Variants in KLF8 observed in about 807,000 individuals in gnomAD.
The protein encoded by KLF8 is Krueppel-like factor 8.
KLF8 carries 10 observed loss-of-function variants against 18.2 expected under a neutral mutation model. The ratio of observed to expected loss-of-function variants is 0.55; its 90% CI spans 0.34 to 0.93. The LOEUF (loss-of-function observed/expected upper bound fraction) is 0.93, where lower values mean the gene tolerates loss of function less well. KLF8 is among the 40% of genes least tolerant of loss of function. The probability of loss-of-function intolerance (pLI) is 0.02; values close to 1 mark genes in which losing one functional copy is unlikely to be tolerated. For missense variants in KLF8, 264 were observed against 277.9 expected (o/e 0.95, Z 0.36); for synonymous variants, 109 against 97.3 (o/e 1.12, Z -0.71).
the KLF8 span, among the ~76,000 whole-genome samples, chrX:56,166,993 G>A: frequency 8.9e-6 from 1 of 111,896 alleles, no homozygotes; most frequent in Admixed American, 9.5e-5. Context: ...CATGATGTGT[G>A]CAAAAGCCAT....
the KLF8 span, among the ~76,000 whole-genome samples, chrX:56,036,314 C>T: frequency 9.0e-6 from 1 of 111,384 alleles, no homozygotes; most frequent in South Asian, 3.7e-4. Flanking sequence ...AGTTTTGTTT[C>T]TTACATTAAG....
the KLF8 span, among the ~76,000 whole-genome samples, chrX:56,220,325 A>G: frequency 9.0e-6 from 1 of 111,636 alleles, no homozygotes; most frequent in Non-Finnish European, 1.9e-5. Context: ...ATTGGGTTCC[A>G]CCCCTGACCT....
chrX:56,088,657 C>T, the KLF8 span, among the ~76,000 whole-genome samples: 5 of 111,659 alleles, frequency 4.5e-5, no homozygotes, highest in African/African-American at 6.5e-5. Flanking sequence ...TTTCATTATC[C>T]TTTAATCACT....
chrX:56,015,565 G>T, the KLF8 span, among the ~76,000 whole-genome samples: 1 of 112,148 alleles, frequency 8.9e-6, no homozygotes, highest in Non-Finnish European at 1.9e-5. Context: ...ATAGGAAAAT[G>T]ACATAATCTC....
chrX:56,100,347 C>T, the KLF8 span, among the ~76,000 whole-genome samples: 1 of 111,704 alleles, frequency 9.0e-6, no homozygotes, highest in Admixed American at 9.5e-5. Flanking sequence ...CACCTGGTCA[C>T]CCAAGCTCTG....
chrX:56,045,372 C>T, the KLF8 span, among the ~76,000 whole-genome samples: 2 of 111,126 alleles, frequency 1.8e-5, no homozygotes, highest in South Asian at 7.5e-4. Flanking sequence ...CTTGCTTTGC[C>T]TATGAAAACT....
chrX:56,028,351 T>A, the KLF8 span, among the ~76,000 whole-genome samples: 2 of 111,740 alleles, frequency 1.8e-5, no homozygotes, highest in Non-Finnish European at 3.8e-5. Context: ...TCCTAGAAAT[T>A]CCCTTACTTG....
At chrX:56,188,721 C>G in the KLF8 span, among the ~76,000 whole-genome samples, 1 of 111,725 alleles carries the variant, frequency 9.0e-6, no homozygotes, top group African/African-American at 3.3e-5. Context: ...TGCCACATAT[C>G]TACAACTATC....
chrX:56,147,851 A>T, the KLF8 span, among the ~76,000 whole-genome samples: 1 of 111,924 alleles, frequency 8.9e-6, no homozygotes, highest in Non-Finnish European at 1.9e-5. Context: ...GGTGGTGCAC[A>T]TCTGTAATCC....
intron 1 of KLF8, among the ~76,000 whole-genome samples, chrX:56,239,015 A>C (rs1454934342): frequency 9.0e-6 from 1 of 111,218 alleles, no homozygotes; most frequent in Non-Finnish European, 1.9e-5. Context: ...TTTCTTCTTG[A>C]CTGTCGTAGT....
the KLF8 span, among the ~76,000 whole-genome samples, chrX:56,053,353 G>A: frequency 9.0e-6 from 1 of 111,453 alleles, no homozygotes; most frequent in Non-Finnish European, 1.9e-5. Flanking sequence ...TTAATTCTAT[G>A]AATAAAATGT....
chrX:56,107,329 G>A, the KLF8 span, among the ~76,000 whole-genome samples: 3 of 112,244 alleles, frequency 2.7e-5, no homozygotes, highest in South Asian at 1.1e-3. Context: ...CACAGAGGTG[G>A]AATCTATAGA....
the KLF8 span, among the ~76,000 whole-genome samples, chrX:56,108,747 T>A: frequency 3.6e-5 from 4 of 112,076 alleles, no homozygotes; most frequent in Non-Finnish European, 7.5e-5. Flanking sequence ...GTGTTTAGTT[T>A]GCTCTTTTGT....
At chrX:56,185,137 A>G in the KLF8 span, among the ~76,000 whole-genome samples, 1 of 112,226 alleles carries the variant, frequency 8.9e-6, no homozygotes, top group Non-Finnish European at 1.9e-5. Context: ...AAAAATTTAG[A>G]CGAATGTATA....
At chrX:56,107,829 G>C in the KLF8 span, among the ~76,000 whole-genome samples, 1 of 111,475 alleles carries the variant, frequency 9.0e-6, no homozygotes, top group Non-Finnish European at 1.9e-5. Flanking sequence ...CTGCAGACCC[G>C]AGCTGATCCT....
chrX:56,011,018 AC>A, the KLF8 span, among the ~76,000 whole-genome samples: 1 of 112,177 alleles, frequency 8.9e-6, no homozygotes, highest in Non-Finnish European at 1.9e-5. Flanking sequence ...ACACAATAAT[AC>A]TGGGAGAGTT....
At chrX:56,137,306 G>A in the KLF8 span, among the ~76,000 whole-genome samples, 9 of 108,559 alleles carry the variant, frequency 8.3e-5, no homozygotes, top group East Asian at 2.9e-4. Flanking sequence ...ACATGCACAC[G>A]TATGTTTATT....
At chrX:56,138,560 C>T in the KLF8 span, among the ~76,000 whole-genome samples, 1 of 110,997 alleles carries the variant, frequency 9.0e-6, no homozygotes, top group African/African-American at 3.3e-5. Context: ...GAACTAAAAA[C>T]AAAAACCACA....
At chrX:56,253,877 C>T (rs1292940721) in intron 2 of KLF8, among the ~76,000 whole-genome samples, 1 of 100,838 alleles carries the variant, frequency 9.9e-6, no homozygotes, top group African/African-American at 3.8e-5. Context: ...TCTTGTGCCT[C>T]AGCCTCCCAA....
Sources: allele counts gnomAD v4.1 joint callset (sites outside exome capture counted in the v4.1 genomes callset), GRCh38; gene constraint gnomAD v4.1.1; transcripts MANE v1.5; gene names NCBI Gene and HGNC (gene_info 2026-07-23, HGNC 2026-07-21).